Variants in RANBP2 observed in about 807,000 individuals in gnomAD.
RANBP2 encodes the protein E3 SUMO-protein ligase RanBP2.
RANBP2 carries 57 observed loss-of-function variants against 303.6 expected under a neutral mutation model. That is an observed-to-expected ratio of 0.19 (90% CI 0.15 to 0.23). The LOEUF is 0.23. Ranked by LOEUF, RANBP2 falls within the 10% of genes least tolerant of loss-of-function variation. The probability of loss-of-function intolerance (pLI) is 1.00; values close to 1 mark genes in which losing one functional copy is unlikely to be tolerated. For synonymous variants in RANBP2, 1,167 were observed against 1,301.5 expected, an observed-to-expected ratio of 0.90 and a Z score of 2.23; for missense variants, 3,138 against 3,780.8, an observed-to-expected ratio of 0.83 and a Z score of 4.46.
chr2:109,360,400 C>T, the RANBP2 span, among the ~76,000 whole-genome samples: 11 of 152,110 alleles, frequency 7.2e-5, no homozygotes, highest in East Asian at 1.2e-3. Flanking sequence ...TTTGTAGGCT[C>T]GATGTACACA....
chr2:108,907,736 A>G, the RANBP2 span: 3 of 1,129,422 alleles, frequency 2.7e-6, no homozygotes, highest in South Asian at 1.3e-5. Context: ...CAGGTCTCCT[A>G]TCTTGGACTT....
At chr2:108,968,219 C>T in the RANBP2 span, among the ~76,000 whole-genome samples, 1 of 152,154 alleles carries the variant, frequency 6.6e-6, no homozygotes, top group Non-Finnish European at 1.5e-5. Flanking sequence ...TCAGCATCGC[C>T]AGAGAGCCTG....
At chr2:108,855,493 A>G in the RANBP2 span, among the ~76,000 whole-genome samples, 4 of 152,274 alleles carry the variant, frequency 2.6e-5, no homozygotes, top group East Asian at 7.7e-4. Context: ...TTGCTAAAAA[A>G]AAAAAAAGGA....
chr2:109,578,865 A>C, the RANBP2 span, among the ~76,000 whole-genome samples: 1 of 152,222 alleles, frequency 6.6e-6, no homozygotes, highest in Non-Finnish European at 1.5e-5. Context: ...AGTTTATAAT[A>C]CTAAATGCAT....
At chr2:108,873,252 T>G in the RANBP2 span, among the ~76,000 whole-genome samples, 1 of 151,714 alleles carries the variant, frequency 6.6e-6, no homozygotes, top group East Asian at 1.9e-4. Flanking sequence ...AATAATCTTT[T>G]GTTTGCCTTG....
At position 108,784,523 on chromosome 2, in the gene RANBP2, G is replaced by A. The variant is rs947094311; in HGVS notation, c.*622G>A. The A allele has an allele frequency of 1.3e-5, 2 of 152,490 alleles. No individual in the cohort carries two copies. Among genetic ancestry groups the A allele is most frequent in the Admixed American group, 6.6e-5 (1 of 15,262 alleles). 9.4% of individuals were successfully genotyped at this position (152,490 alleles called of 1,614,324 possible). ...TTCCTGTGCCCTTTCATAGATATTC[G>A]ATTAATTTTTACATTTTAAACAAGT... On this transcript the variant is annotated 3_prime_UTR_variant, in exon 29 of 29. Transcript: ENST00000283195.
At chr2:109,580,758 C>T in the RANBP2 span, among the ~76,000 whole-genome samples, 1 of 152,312 alleles carries the variant, frequency 6.6e-6, no homozygotes, top group Non-Finnish European at 1.5e-5. Context: ...GGGAAACAGG[C>T]AGTATAAAAC....
At chr2:108,786,021 T>C (rs148407296), downstream of RANBP2, among the ~76,000 whole-genome samples, 1,932 of 152,006 alleles carry the variant, frequency 0.013, 51 homozygotes, top group African/African-American at 0.045. Context: ...ATGAAGTGGT[T>C]GTACAGTTCC....
At chr2:108,905,308 C>T in the RANBP2 span, among the ~76,000 whole-genome samples, 1 of 152,106 alleles carries the variant, frequency 6.6e-6, no homozygotes, top group Non-Finnish European at 1.5e-5. Flanking sequence ...AAGGTGAGTC[C>T]TAGACCATCC....
At chr2:109,320,161 C>G in the RANBP2 span, among the ~76,000 whole-genome samples, 4 of 152,176 alleles carry the variant, frequency 2.6e-5, no homozygotes, top group South Asian at 8.3e-4. Context: ...TTCTCTCACC[C>G]CAGTTCTCAT....
At chr2:108,919,701 A>G in the RANBP2 span, among the ~76,000 whole-genome samples, 506 of 152,228 alleles carry the variant, frequency 3.3e-3, 6 homozygotes, top group African/African-American at 0.012. Context: ...CCAGTGTCCC[A>G]GGCTCTGGGG....
the RANBP2 span, among the ~76,000 whole-genome samples, chr2:109,764,647 G>T: frequency 6.7e-6 from 1 of 148,214 alleles, no homozygotes; most frequent in South Asian, 2.3e-4. Flanking sequence ...CTTGGGTGGA[G>T]GATGGAAAGA....
chr2:108,817,147 T>C, the RANBP2 span, among the ~76,000 whole-genome samples: 3 of 152,182 alleles, frequency 2.0e-5, no homozygotes, highest in African/African-American at 7.2e-5. Context: ...ATAGGGAGGT[T>C]ATCCAGGATT....
the RANBP2 span, among the ~76,000 whole-genome samples, chr2:108,849,712 A>G: frequency 6.6e-6 from 1 of 152,196 alleles, no homozygotes; most frequent in Non-Finnish European, 1.5e-5. Flanking sequence ...GGAACAAGGA[A>G]GAGATACAAG....
chr2:108,772,676 T>C (rs1677591684), intron 22 of RANBP2, 95 bp downstream of exon 22: 1 of 1,319,240 alleles, frequency 7.6e-7, no homozygotes, highest in Middle Eastern at 2.3e-4. Context: ...TTATCGATTT[T>C]ACGATGCCCA....
chr2:109,080,482 G>A, the RANBP2 span, among the ~76,000 whole-genome samples: 1 of 152,182 alleles, frequency 6.6e-6, no homozygotes, highest in African/African-American at 2.4e-5. Flanking sequence ...AAACTGGAGA[G>A]TGGGAACCAG....
intron 9 of RANBP2, among the ~76,000 whole-genome samples, chr2:108,749,587 T>G (rs4012061): frequency 6.6e-6 from 1 of 151,822 alleles, no homozygotes; most frequent in Admixed American, 6.6e-5. Context: ...TGTGAGCCAC[T>G]GCGACCAGCC....
the RANBP2 span, among the ~76,000 whole-genome samples, chr2:109,011,361 A>G: frequency 6.6e-6 from 1 of 152,142 alleles, no homozygotes; most frequent in Non-Finnish European, 1.5e-5. Context: ...TAGGTTAGCG[A>G]TCATGTTCTT....
chr2:109,486,340 A>G, the RANBP2 span, among the ~76,000 whole-genome samples: 1 of 152,152 alleles, frequency 6.6e-6, no homozygotes, highest in African/African-American at 2.4e-5. Context: ...TTCTTTGTAT[A>G]CAGAGTTGGA....
Sources: gnomAD v4.1 joint callset for allele counts (sites outside exome capture counted in the v4.1 genomes callset) on GRCh38, gnomAD v4.1.1 for gene constraint, MANE v1.5 for transcripts, NCBI Gene and HGNC (gene_info 2026-07-23, HGNC 2026-07-21) for gene names.